The following CHRM3 variants were observed in gnomAD, a reference collection of about 807,000 sequenced individuals.
The protein encoded by CHRM3 is muscarinic acetylcholine receptor M3.
In CHRM3, 11 loss-of-function variants were observed where a neutral mutation model predicts 41.8. The ratio of observed to expected loss-of-function variants is 0.26; its 90% CI spans 0.17 to 0.44. CHRM3 has a LOEUF of 0.44. CHRM3 is among the 20% of genes least tolerant of loss of function. The pLI, the probability that CHRM3 is intolerant of heterozygous loss-of-function variation, is 1.00. For synonymous variants in CHRM3, 297 were observed against 301.4 expected, an observed-to-expected ratio of 0.99 and a Z score of 0.15; for missense variants, 571 against 745.4, an observed-to-expected ratio of 0.77 and a Z score of 2.72.
At chr1:239,556,081 C>G (rs1308409419) in intron 3 of CHRM3, among the ~76,000 whole-genome samples, 1 of 152,128 alleles carries the variant, frequency 6.6e-6, no homozygotes, top group Non-Finnish European at 1.5e-5. Context: ...ACAAAGTAGT[C>G]AATTCTTGCT....
chr1:239,654,365 A>T (rs1005270754), intron 4 of CHRM3, among the ~76,000 whole-genome samples: 3 of 152,172 alleles, frequency 2.0e-5, no homozygotes, highest in Non-Finnish European at 2.9e-5. Flanking sequence ...TTGACGGTTC[A>T]ATTCTTACTT....
chr1:239,843,402 T>G (rs930675419), intron 6 of CHRM3, among the ~76,000 whole-genome samples: 1 of 151,560 alleles, frequency 6.6e-6, no homozygotes, highest in African/African-American at 2.4e-5. Context: ...TCTTAGATTA[T>G]AAACTCAGTT....
chr1:239,611,600 T>C (rs1161119707), intron 3 of CHRM3, among the ~76,000 whole-genome samples: 1 of 151,978 alleles, frequency 6.6e-6, no homozygotes, highest in Non-Finnish European at 1.5e-5. Flanking sequence ...TTTTTATTTT[T>C]AGTAGAGATG....
chr1:239,783,679 A>T (rs1397552185), intron 5 of CHRM3, among the ~76,000 whole-genome samples: 1 of 152,218 alleles, frequency 6.6e-6, no homozygotes, highest in African/African-American at 2.4e-5. Flanking sequence ...ACATTTAAGA[A>T]TTGCAAGATA....
chr1:239,844,314 T>G (rs1674085081), intron 6 of CHRM3, among the ~76,000 whole-genome samples: 1 of 152,118 alleles, frequency 6.6e-6, no homozygotes, highest in Non-Finnish European at 1.5e-5. Context: ...AAATCAAGGT[T>G]TAGGGATTTG....
intron 5 of CHRM3, among the ~76,000 whole-genome samples, chr1:239,767,168 A>G (rs1452885093): frequency 6.6e-6 from 1 of 152,110 alleles, no homozygotes; most frequent in South Asian, 2.1e-4. Flanking sequence ...TCTTTGTCAC[A>G]TGGAACATGA....
At chr1:239,442,895 C>T (rs1031732510) in intron 1 of CHRM3, among the ~76,000 whole-genome samples, 6 of 152,104 alleles carry the variant, frequency 3.9e-5, no homozygotes, top group East Asian at 1.9e-4. Flanking sequence ...TGTTCCTGTG[C>T]GCGAGCCCTT....
At chr1:239,705,823 T>G (rs937520728) in intron 5 of CHRM3, 1 of 151,998 alleles carries the variant, frequency 6.6e-6, no homozygotes, top group Non-Finnish European at 1.5e-5. Flanking sequence ...AATAGAGACA[T>G]TATTCTAGGC....
At chr1:239,727,306 G>T (rs1338826271) in intron 5 of CHRM3, among the ~76,000 whole-genome samples, 3 of 152,006 alleles carry the variant, frequency 2.0e-5, no homozygotes, top group East Asian at 2.0e-4. Context: ...GACCCCAAAA[G>T]AATGAATATT....
At chr1:239,671,198 A>G (rs1300141642) in intron 4 of CHRM3, among the ~76,000 whole-genome samples, 2 of 152,166 alleles carry the variant, frequency 1.3e-5, no homozygotes, top group African/African-American at 2.4e-5. Flanking sequence ...CTCAAATTCT[A>G]ATCAACCATT....
At chr1:239,641,036 T>G (rs1379413132) in intron 4 of CHRM3, among the ~76,000 whole-genome samples, 1 of 152,168 alleles carries the variant, frequency 6.6e-6, no homozygotes, top group East Asian at 1.9e-4. Flanking sequence ...CAGTAGTCAT[T>G]CAGGAGCAGG....
chr1:239,741,187 C>G (rs1480384868), intron 5 of CHRM3, among the ~76,000 whole-genome samples: 1 of 152,106 alleles, frequency 6.6e-6, no homozygotes, highest in Admixed American at 6.5e-5. Flanking sequence ...AGATTCAAAG[C>G]AGCAGGTAAA....
At chr1:239,818,332 T>C (rs1339215826) in intron 5 of CHRM3, among the ~76,000 whole-genome samples, 1 of 152,192 alleles carries the variant, frequency 6.6e-6, no homozygotes. Flanking sequence ...GTCTCCAAAT[T>C]TGGCCACATG....
chr1:239,731,552 G>A (rs758204283), intron 5 of CHRM3, among the ~76,000 whole-genome samples: 5 of 151,884 alleles, frequency 3.3e-5, no homozygotes, highest in South Asian at 4.2e-4. Flanking sequence ...TTTTTCATGT[G>A]AGCAAGAACA....
chr1:239,908,691 G>C lies in CHRM3; in HGVS notation c.1240G>C (p.Val414Leu). The C allele has an allele frequency of 6.2e-7, 1 of 1,612,942 alleles. No homozygotes were observed. ...KADKLQAQKS[V>L]DDGGSFPKSF... ...CGACAAGCTGCAGGCCCAGAAGAGC[G>C]TGGACGATGGAGGCAGTTTTCCAAA... Residue 414 changes from valine (V) to leucine (L), a missense_variant, in exon 7 of 7, where the codon GTG becomes CTG. Physicochemically the swap from Val to Leu is conservative, Grantham distance 32 (BLOSUM62 1). Coordinates refer to ENST00000676153, the MANE Select transcript of CHRM3 (RefSeq NM_001375978.1). The surrounding 1 kb of genome is among the most constrained non-coding windows in gnomAD (Gnocchi z 7.2).
intron 5 of CHRM3, among the ~76,000 whole-genome samples, chr1:239,687,391 G>A (rs773006357): frequency 1.6e-4 from 24 of 152,038 alleles, no homozygotes; most frequent in African/African-American, 3.1e-4. Context: ...CTAATCCGTC[G>A]TTATTTATCA....
At chr1:239,438,690 C>A (rs1057405822) in intron 1 of CHRM3, among the ~76,000 whole-genome samples, 1 of 152,094 alleles carries the variant, frequency 6.6e-6, no homozygotes, top group African/African-American at 2.4e-5. Flanking sequence ...CTATCTGTTA[C>A]AGGAGCTAAT....
At chr1:239,518,078 C>A (rs375084564) in intron 2 of CHRM3, among the ~76,000 whole-genome samples, 44 of 152,268 alleles carry the variant, frequency 2.9e-4, no homozygotes, top group African/African-American at 7.2e-4. Context: ...TTCACTCCAG[C>A]CTGGGCAACA....
intron 5 of CHRM3, among the ~76,000 whole-genome samples, chr1:239,694,560 G>A (rs544416708): frequency 6.6e-6 from 1 of 152,260 alleles, no homozygotes; most frequent in East Asian, 1.9e-4. Context: ...ATATTTTTTG[G>A]CTGTTTGGTG....
Sources: gnomAD v4.1 joint callset for allele counts (sites outside exome capture counted in the v4.1 genomes callset) on GRCh38, gnomAD v4.1.1 for gene constraint, Gnocchi (gnomAD v3.1) non-coding constraint, MANE v1.5 for transcripts, NCBI Gene and HGNC (gene_info 2026-07-23, HGNC 2026-07-21) for gene names.